Variants in UBR1 observed in about 807,000 individuals in gnomAD.
UBR1 encodes the protein ubiquitin protein ligase E3 component n-recognin 1, also known as E3 ubiquitin-protein ligase UBR1.
A neutral mutation model predicts 242.1 loss-of-function variants in UBR1; 102 were observed. The ratio of observed to expected loss-of-function variants is 0.42; its 90% CI spans 0.36 to 0.50. The LOEUF (loss-of-function observed/expected upper bound fraction) is 0.50. Ranked by LOEUF, UBR1 falls within the 20% of genes least tolerant of loss-of-function variation. The pLI is 0.01. For missense variants in UBR1, 1,772 were observed against 2,101.8 expected (o/e 0.84, Z 3.07); for synonymous variants, 675 against 684.8 (o/e 0.99, Z 0.22).
At chr15:43,085,332 T>C (rs775405861) in intron 2 of UBR1, among the ~76,000 whole-genome samples, 39 of 152,238 alleles carry the variant, frequency 2.6e-4, no homozygotes, top group Non-Finnish European at 4.1e-4. Context: ...AATTCTGAAA[T>C]GGCCCCAAAG....
chr15:43,042,403 T>C (rs1021623473), intron 15 of UBR1, among the ~76,000 whole-genome samples: 1 of 152,210 alleles, frequency 6.6e-6, no homozygotes, highest in Non-Finnish European at 1.5e-5. Context: ...GAGGACATTA[T>C]GCTAGGTGAT....
intron 44 of UBR1, among the ~76,000 whole-genome samples, chr15:42,957,223 G>A (rs149676775): frequency 1.2e-3 from 179 of 152,136 alleles, no homozygotes; most frequent in Admixed American, 3.2e-3. Flanking sequence ...CATATGCTAC[G>A]ACTCGGATAA....
intron 45 of UBR1, 43 bp downstream of exon 45, chr15:42,952,235 T>G: frequency 6.2e-7 from 1 of 1,613,594 alleles, no homozygotes. Context: ...GGATCCAGAT[T>G]CCTTAAGTTC....
intron 45 of UBR1, among the ~76,000 whole-genome samples, chr15:42,950,962 A>G (rs2031824159): frequency 6.6e-6 from 1 of 152,214 alleles, no homozygotes; most frequent in South Asian, 2.1e-4. Context: ...TAAAATAAAC[A>G]GCTGGGATAA....
intron 27 of UBR1, among the ~76,000 whole-genome samples, chr15:43,020,452 T>C (rs1323102385): frequency 6.6e-6 from 1 of 152,218 alleles, no homozygotes; most frequent in African/African-American, 2.4e-5. Context: ...ATTCTTACTA[T>C]CTGCATCTTA....
intron 12 of UBR1, among the ~76,000 whole-genome samples, chr15:43,054,105 T>C (rs749734470): frequency 3.9e-5 from 6 of 152,108 alleles, no homozygotes; most frequent in Non-Finnish European, 7.4e-5. Flanking sequence ...ATCCCAACAC[T>C]ATGGGAGGCC....
intron 42 of UBR1, 127 bp downstream of exon 42, chr15:42,963,808 G>A: frequency 1.4e-6 from 1 of 708,910 alleles, no homozygotes; most frequent in Non-Finnish European, 2.5e-6. Context: ...GTGTAACTTA[G>A]GAATCTCCTA....
chr15:43,009,418 G>A (rs945438167), intron 29 of UBR1, among the ~76,000 whole-genome samples: 1 of 152,226 alleles, frequency 6.6e-6, no homozygotes, highest in Admixed American at 6.5e-5. Context: ...GCAGGTGCCC[G>A]CTTATGCACC....
rs2032102164 is a variant in UBR1 at position 42,966,155 on chromosome 15, G to C, written c.4589C>G (p.Thr1530Ser). The change falls in exon 41 of 47, where the codon ACC becomes AGC. Residue 1530 changes from threonine (T) to serine (S), a missense_variant and splice_region_variant. Thr to Ser is a moderately conservative substitution (Grantham distance 58). Around this residue, in one of 3 missense-constraint regions of UBR1, gnomAD observed 965 missense variants for 1,079.7 expected, o/e 0.89. Coordinates refer to ENST00000290650, the MANE Select transcript of UBR1 (RefSeq NM_174916.3). Reference sequence around the variant, plus strand: ...CATGATTTCATTTTTCTACTTACTGGTATGCAGTTCCTCAGGCGGAGTTAC... The same window carrying C: ...CATGATTTCATTTTTCTACTTACTGCTATGCAGTTCCTCAGGCGGAGTTAC... ...LGVTPPEELH[T>S]NSAEGEYSAL... 1.2e-6 allele frequency: 2 copies of C among 1,614,004 alleles called. No homozygotes were observed. The highest frequency in any genetic ancestry group is 1.7e-6 in the Non-Finnish European group (2 of 1,180,016).
rs113749675 is a variant in UBR1 at position 42,995,475 on chromosome 15, C to T, written c.3757+2693G>A. Among the ~76,000 whole-genome samples the T allele has an allele frequency of 4.1e-5, 6 of 146,290 alleles. No individual in the cohort carries two copies. In the South Asian group the frequency reaches 6.5e-4, roughly 16 times the overall value. On this transcript the variant is annotated intron_variant, in intron 33 of 46. Coordinates refer to ENST00000290650, the MANE Select transcript of UBR1 (RefSeq NM_174916.3). ...GAGATCAAGACCATCCTGGCTAACA[C>T]GGTGAAACCCCGTCTCTACTAAAAA...
intron 30 of UBR1, among the ~76,000 whole-genome samples, chr15:43,004,981 T>C (rs1460302916): frequency 6.7e-6 from 1 of 149,760 alleles, no homozygotes; most frequent in Non-Finnish European, 1.5e-5. Flanking sequence ...GGAGCACCTC[T>C]GCCACGCCGC....
intron 5 of UBR1, 115 bp from the exon 6 acceptor site, chr15:43,068,151 G>A: frequency 3.4e-6 from 2 of 586,498 alleles, no homozygotes; most frequent in Non-Finnish European, 5.4e-6. Flanking sequence ...CAACCTGTGG[G>A]AAAGTAACAC....
In UBR1 at chr15:42,983,978, C is replaced by T; in HGVS notation, c.4069G>A (p.Ala1357Thr). The T allele has an allele frequency of 6.2e-7, 1 of 1,612,452 alleles. No individual in the cohort carries two copies. The highest frequency in any genetic ancestry group is 8.5e-7 in the Non-Finnish European group (1 of 1,178,982). The part of the protein sequence containing the change: ...LQNRQHNGLK[A>T]LMQFAVAQRI... ...TGTGCAACTGCAAACTGCATTAATG[C>T]TTTCAGACCATTATGCTAGATTGTA... Residue 1357 changes from alanine to threonine, a missense_variant, in exon 37 of 47, where the codon GCA becomes ACA. Physicochemically the swap from Ala to Thr is moderately conservative, Grantham distance 58 (BLOSUM62 0). Around this residue, in one of 3 missense-constraint regions of UBR1, gnomAD observed 965 missense variants for 1,079.7 expected, o/e 0.89. Transcript: ENST00000290650.
intron 44 of UBR1, among the ~76,000 whole-genome samples, chr15:42,952,748 T>TAGACTCCAGTCTTCATCTGAC (rs1555441425): frequency 6.6e-6 from 1 of 152,228 alleles, no homozygotes; most frequent in Non-Finnish European, 1.5e-5. Context: ...GATTCACTGA[T>TAGACTCCAGTCTTCATCTGAC]AGACTCCAGT....
intron 46 of UBR1, among the ~76,000 whole-genome samples, chr15:42,948,112 G>T (rs901645502): frequency 6.6e-6 from 1 of 152,136 alleles, no homozygotes; most frequent in Non-Finnish European, 1.5e-5. Context: ...ACAGAACAGA[G>T]CCCTCAGAAA....
rs367813331 is a variant in UBR1 at position 43,043,339 on chromosome 15, A to G, written c.1725T>C (p.Ser575=). The G allele has an allele frequency of 6.2e-7, 1 of 1,614,004 alleles. No individual in the cohort carries two copies. Among genetic ancestry groups the G allele is most frequent in the African/African-American group, 1.3e-5 (1 of 74,910 alleles). Residue 575 remains serine (S), a synonymous_variant, in exon 15 of 47, where the codon AGT becomes AGC. Transcript: ENST00000290650. ...TCTTGCTACTAGATATGAAACTGGT[A>G]CTGCACCTCATCACAGCTTTGTGAC... ...KECHKAVMRC[S]TSFISSSKTV...
rs143160017 is a variant in UBR1, at chr15:43,032,584, G to A, written c.2238C>T (p.Val746=). 7.9e-5 allele frequency: 121 copies of A among 1,538,514 alleles called. No individual in the cohort carries two copies. The highest frequency in any genetic ancestry group is 1.0e-4 in the Non-Finnish European group (115 of 1,116,658). The part of the protein sequence containing the change: ...YNTLIEEMLQ[V]LIYIVGERYV... ...TAATCTTACCCACAATATAGATGAG[G>A]ACCTGAAGCATTTCTTCTATTAGTG... The change falls in exon 20 of 47, where the codon GTC becomes GTT. Residue 746 remains valine, a synonymous_variant. Coordinates refer to ENST00000290650, the MANE Select transcript of UBR1 (RefSeq NM_174916.3).
intron 1 of UBR1, among the ~76,000 whole-genome samples, chr15:43,099,792 T>C (rs982348730): frequency 2.0e-5 from 3 of 151,864 alleles, no homozygotes; most frequent in Admixed American, 6.6e-5. Context: ...AGTAAACAGG[T>C]AACGTAGAGT....
At chr15:43,056,252 A>C in intron 11 of UBR1, 92 bp downstream of exon 11, 1 of 1,023,488 alleles carries the variant, frequency 9.8e-7, no homozygotes, top group Non-Finnish European at 1.5e-6. Context: ...TGATTCTAAC[A>C]TTGTTCTAAT....
Sources: gnomAD v4.1 joint callset for allele counts (sites outside exome capture counted in the v4.1 genomes callset) on GRCh38, gnomAD v4.1.1 for gene constraint, gnomAD v4.1.1 regional missense constraint, MANE v1.5 for transcripts, NCBI Gene and HGNC (gene_info 2026-07-23, HGNC 2026-07-21) for gene names.